Variants in KCNQ2 observed in about 807,000 individuals in gnomAD.
The protein encoded by KCNQ2 is potassium voltage-gated channel subfamily Q member 2.
A neutral mutation model predicts 84.8 loss-of-function variants in KCNQ2; 14 were observed. The ratio of observed to expected loss-of-function variants is 0.17; its 90% CI spans 0.11 to 0.26. KCNQ2 has a LOEUF of 0.26. Ranked by LOEUF, KCNQ2 falls within the 10% of genes least tolerant of loss-of-function variation. The pLI is 1.00. For missense variants in KCNQ2, 788 were observed against 1,254.0 expected (o/e 0.63, Z 5.61); for synonymous variants, 599 against 554.1 (o/e 1.08, Z -1.14).
intron 4 of KCNQ2, among the ~76,000 whole-genome samples, chr20:63,442,817 A>G: frequency 9.5e-6 from 1 of 104,852 alleles, no homozygotes; most frequent in Non-Finnish European, 2.1e-5. Context: ...TACCACCACC[A>G]TCACCATCAC....
chr20:63,410,638 C>T (rs994203525), intron 15 of KCNQ2, among the ~76,000 whole-genome samples: 3 of 152,180 alleles, frequency 2.0e-5, no homozygotes, highest in African/African-American at 2.4e-5. Flanking sequence ...GTAACAGACA[C>T]GGCCCTGCCT....
chr20:63,445,468 G>A, intron 2 of KCNQ2, 104 bp from the exon 3 acceptor site: 1 of 1,349,274 alleles, frequency 7.4e-7, no homozygotes, highest in South Asian at 1.4e-5. Context: ...CCAAGCCACA[G>A]GGCAGGAGGC....
chr20:63,443,406 CCATCACCATCACCACCAT>C (rs1349447625), intron 4 of KCNQ2, among the ~76,000 whole-genome samples: 28 of 5,644 alleles, frequency 5.0e-3, no homozygotes, highest in African/African-American at 0.018. Context: ...ACCATCACCA[CCATCACCATCACCACCAT>C]CATCACCATC....
chr20:63,442,618 C>T, intron 4 of KCNQ2, 87 bp from the exon 5 acceptor site: 1 of 1,398,952 alleles, frequency 7.1e-7, no homozygotes, highest in Non-Finnish European at 1.0e-6. Flanking sequence ...ATCACATCAA[C>T]ACCATGACCA....
chr20:63,445,458 C>T, intron 2 of KCNQ2, 94 bp from the exon 3 acceptor site: 12 of 1,467,840 alleles, frequency 8.2e-6, no homozygotes, highest in Non-Finnish European at 1.0e-5. Context: ...GGCCCAGGGA[C>T]CAAGCCACAG....
chr20:63,441,974 A>G (rs1000639053), intron 5 of KCNQ2, among the ~76,000 whole-genome samples: 3 of 152,136 alleles, frequency 2.0e-5, no homozygotes, highest in African/African-American at 7.2e-5. Flanking sequence ...GGAGGAGCCC[A>G]GGGGCCAGAT....
rs1601559761 is a variant in KCNQ2 at position 63,411,632 on chromosome 20, T to TTA, written c.1763+1817_1763+1818insTA. The TTA allele has an allele frequency of 2.8e-5, 13 of 468,702 alleles. No individual in the cohort carries two copies. In the East Asian group the frequency reaches 4.6e-4, roughly 16 times the overall value. The allele number at this position is 468,702 out of a possible 1,614,324, so 29.0% of individuals were successfully genotyped here. On this transcript the variant is annotated intron_variant, in intron 15 of 16. Transcript: ENST00000359125. Reference sequence around the variant, plus strand: ...TGGTGGAGGAAGGGCCTTCTCCCTCTTGTGGCTTTTTCAGGAACAGAGAAA... The same window carrying TTA: ...TGGTGGAGGAAGGGCCTTCTCCCTCTTATGTGGCTTTTTCAGGAACAGAGAAA...
chr20:63,417,572 G>A lies in KCNQ2; in HGVS notation c.1301+2047C>T, dbSNP rs184637811. On this transcript the variant is annotated intron_variant, in intron 12 of 16. Transcript: ENST00000359125. ...GCCCGGTGCTGAGGGCTTGCAGTGG[G>A]AAAGGCACAGCTTGAGGAATGGGCA... is the stretch of plus-strand genomic sequence containing the variant. Among the ~76,000 whole-genome samples, 384 of 152,380 alleles carry A rather than the reference G, an allele frequency of 2.5e-3. 2 individuals are homozygous for A. Among genetic ancestry groups the A allele is most frequent in the Non-Finnish European group, 4.7e-3 (322 of 68,034 alleles).
chr20:63,408,623 C>G lies in KCNQ2; in HGVS notation c.1764-87G>C. 1 of 1,559,098 alleles carries G rather than the reference C, an allele frequency of 6.4e-7. No homozygotes were observed. Among genetic ancestry groups the G allele is most frequent in the Non-Finnish European group, 8.7e-7 (1 of 1,155,590 alleles). On this transcript the variant is annotated intron_variant, in intron 15 of 16. Coordinates refer to ENST00000359125, the MANE Select transcript of KCNQ2 (RefSeq NM_172107.4). This position sits in a 1 kb window ranked among gnomAD's most constrained non-coding sequence, Gnocchi z 5.0. ...TCCTCCTGGACCAGGCCACAGTGCCCCTGGGTCTAGGCTGCAGGCTCAGCC... is the reference window on the plus strand; with the variant it reads ...TCCTCCTGGACCAGGCCACAGTGCCGCTGGGTCTAGGCTGCAGGCTCAGCC...
chr20:63,443,083 A>T (rs2081272804), intron 4 of KCNQ2, among the ~76,000 whole-genome samples: 2 of 49,108 alleles, frequency 4.1e-5, no homozygotes, highest in Non-Finnish European at 4.1e-5. Context: ...CACCACCACC[A>T]CCATTATCAC....
intron 11 of KCNQ2, among the ~76,000 whole-genome samples, chr20:63,421,846 G>A (rs4809555): frequency 0.31 from 47,527 of 151,898 alleles, 7,854 homozygotes; most frequent in East Asian, 0.59. Context: ...GGGGCAGCAC[G>A]GCCCGAGCCC....
chr20:63,446,703 T>C lies in KCNQ2; in HGVS notation c.387+44A>G, dbSNP rs1568944675. 2.6e-6 allele frequency: 4 copies of C among 1,514,580 alleles called. No individual in the cohort carries two copies. Among genetic ancestry groups the C allele is most frequent in the Non-Finnish European group, 3.7e-6 (4 of 1,090,336 alleles). 93.8% of individuals were successfully genotyped at this position (1,514,580 alleles called of 1,614,324 possible). A position where few individuals can be genotyped will look rare whatever the true frequency, so the allele number is the denominator to read the frequency against. ...AGACAGACGCCCAGGCAGCTCCAGC[T>C]CCTTCCTGGGCACTTCCAGCCCCCG... On this transcript the variant is annotated intron_variant, in intron 2 of 16. Transcript: ENST00000359125. The surrounding 1 kb of genome is among the most constrained non-coding windows in gnomAD (Gnocchi z 5.5).
At chr20:63,423,470 T>G (rs2080533645) in intron 11 of KCNQ2, 1 of 152,262 alleles carries the variant, frequency 6.6e-6, no homozygotes, top group African/African-American at 2.4e-5. Flanking sequence ...AATTAACTTG[T>G]GAAAGGATCT....
chr20:63,438,868 G>A lies in KCNQ2; in HGVS notation c.928-148C>T. On this transcript the variant is annotated intron_variant, in intron 6 of 16. Coordinates refer to ENST00000359125, the MANE Select transcript of KCNQ2 (RefSeq NM_172107.4). The surrounding 1 kb of genome is among the most constrained non-coding windows in gnomAD (Gnocchi z 5.1). ...GACTCACACACCCCCCAATTCATCAGGGTCAGACCACGCCCCAGGGACTCA... is the reference window on the plus strand; with the variant it reads ...GACTCACACACCCCCCAATTCATCAAGGTCAGACCACGCCCCAGGGACTCA... The A allele has an allele frequency of 1.5e-6, 1 of 656,594 alleles. No homozygotes were observed. The highest frequency in any genetic ancestry group is 2.7e-6 in the Non-Finnish European group (1 of 367,072). The allele number at this position is 656,594 out of a possible 1,614,324, so 40.7% of individuals were successfully genotyped here.
chr20:63,438,823 G>A lies in KCNQ2; in HGVS notation c.928-103C>T. 2 of 806,606 alleles carry A rather than the reference G, an allele frequency of 2.5e-6. No homozygotes were observed. Among genetic ancestry groups the A allele is most frequent in the South Asian group, 1.4e-5 (1 of 71,316 alleles). The allele number at this position is 806,606 out of a possible 1,614,324, so 50.0% of individuals were successfully genotyped here. A position where few individuals can be genotyped will look rare whatever the true frequency, so the allele number is the denominator to read the frequency against. On this transcript the variant is annotated intron_variant, in intron 6 of 16. Coordinates refer to ENST00000359125, the MANE Select transcript of KCNQ2 (RefSeq NM_172107.4). The surrounding 1 kb of genome is among the most constrained non-coding windows in gnomAD (Gnocchi z 5.1). ...GCCCCACACCCCCCCCAATTCATCA[G>A]GGTCAGACCACACTCCAGAGACTCA...
Position 63,446,894 on chromosome 20 carries a change from G to A in KCNQ2, c.297-57C>T. 1 of 1,487,176 alleles carries A rather than the reference G, an allele frequency of 6.7e-7. No individual in the cohort carries two copies. The highest frequency in any genetic ancestry group is 1.1e-5 in the South Asian group (1 of 88,532). The allele number at this position is 1,487,176 out of a possible 1,614,324, so 92.1% of individuals were successfully genotyped here. ...GCCGCAGCAGGGCAGCAGCATGGCT[G>A]TGTCTCCAGAACTCAGGACCCCACT... On this transcript the variant is annotated intron_variant, in intron 1 of 16. Coordinates refer to ENST00000359125, the MANE Select transcript of KCNQ2 (RefSeq NM_172107.4). The surrounding 1 kb of genome is among the most constrained non-coding windows in gnomAD (Gnocchi z 5.5).
chr20:63,432,415 G>C (rs2080840289), intron 8 of KCNQ2, among the ~76,000 whole-genome samples: 2 of 148,812 alleles, frequency 1.3e-5, no homozygotes, highest in Admixed American at 6.7e-5. Flanking sequence ...CCCACCCTCA[G>C]GGAAGGCCCC....
At chr20:63,412,447 G>C (rs1476915481) in intron 15 of KCNQ2, among the ~76,000 whole-genome samples, 1 of 152,226 alleles carries the variant, frequency 6.6e-6, no homozygotes, top group African/African-American at 2.4e-5. Context: ...GCTCCAGAGA[G>C]GACGCTGGGA....
intron 10 of KCNQ2, among the ~76,000 whole-genome samples, chr20:63,426,989 G>A (rs1200389252): frequency 6.6e-6 from 1 of 152,250 alleles, no homozygotes; most frequent in African/African-American, 2.4e-5. Context: ...GGGAGGCCGA[G>A]ACGGGCAGAG....
Sources: allele counts gnomAD v4.1 joint callset (sites outside exome capture counted in the v4.1 genomes callset), GRCh38; gene constraint gnomAD v4.1.1; non-coding constraint Gnocchi (gnomAD v3.1); transcripts MANE v1.5; gene names NCBI Gene and HGNC (gene_info 2026-07-23, HGNC 2026-07-21).